The following NAALADL2 variants were observed in gnomAD, a reference collection of about 807,000 sequenced individuals.
The protein encoded by NAALADL2 is inactive N-acetylated-alpha-linked acidic dipeptidase-like protein 2.
In NAALADL2, 76 loss-of-function variants were observed where a neutral mutation model predicts 87.2. The ratio of observed to expected loss-of-function variants is 0.87; its 90% CI spans 0.72 to 1.05. NAALADL2 has a LOEUF of 1.05. NAALADL2 is among the 50% of genes least tolerant of loss of function. The probability of loss-of-function intolerance (pLI) is 0.00; values close to 1 mark genes in which losing one functional copy is unlikely to be tolerated. For synonymous variants in NAALADL2, 354 were observed against 331.0 expected (o/e 1.07, Z -0.75); for missense variants, 1,089 against 945.8 (o/e 1.15, Z -1.99).
chr3:174,972,021 A>T (rs1291654105), intron 1 of NAALADL2, among the ~76,000 whole-genome samples: 1 of 152,008 alleles, frequency 6.6e-6, no homozygotes, highest in African/African-American at 2.4e-5. Flanking sequence ...CCTACATAAC[A>T]TACTAAATTT....
chr3:175,718,787 C>A, intron 11 of NAALADL2: 1 of 738,168 alleles, frequency 1.4e-6, no homozygotes, highest in South Asian at 1.9e-5. Context: ...ATTAGCCAAG[C>A]ATGGTGACGC....
chr3:174,871,821 C>T (rs934205957), intron 1 of NAALADL2, among the ~76,000 whole-genome samples: 2 of 152,096 alleles, frequency 1.3e-5, no homozygotes, highest in Admixed American at 1.3e-4. Flanking sequence ...ATTGCTTGAA[C>T]CTGGGAGGTG....
intron 11 of NAALADL2, among the ~76,000 whole-genome samples, chr3:175,696,889 C>A (rs1737867230): frequency 6.6e-6 from 1 of 152,106 alleles, no homozygotes; most frequent in Non-Finnish European, 1.5e-5. Flanking sequence ...GTAGGGGCAA[C>A]ATTCATTCTC....
intron 1 of NAALADL2, among the ~76,000 whole-genome samples, chr3:174,961,518 A>G (rs1028107702): frequency 6.6e-6 from 1 of 152,032 alleles, no homozygotes; most frequent in East Asian, 1.9e-4. Context: ...CGGGCAGGGG[A>G]AGGAAAAAAT....
chr3:175,571,020 T>A (rs76369157), intron 9 of NAALADL2, among the ~76,000 whole-genome samples: 6 of 152,334 alleles, frequency 3.9e-5, no homozygotes, highest in Non-Finnish European at 7.3e-5. Flanking sequence ...AATGCTTATG[T>A]ATGCAGGAGA....
intron 2 of NAALADL2, among the ~76,000 whole-genome samples, chr3:174,718,414 G>A (rs1731407361): frequency 6.6e-6 from 1 of 152,084 alleles, no homozygotes; most frequent in Non-Finnish European, 1.5e-5. Flanking sequence ...TCATAGACAG[G>A]TAGAACATAC....
intron 13 of NAALADL2, among the ~76,000 whole-genome samples, chr3:175,758,084 T>C (rs1747497674): frequency 6.6e-6 from 1 of 152,082 alleles, no homozygotes; most frequent in Non-Finnish European, 1.5e-5. Flanking sequence ...TTCAAAAATA[T>C]TTATGAACTC....
intron 2 of NAALADL2, among the ~76,000 whole-genome samples, chr3:174,575,372 G>T (rs1319516730): frequency 6.6e-6 from 1 of 152,062 alleles, no homozygotes; most frequent in Non-Finnish European, 1.5e-5. Flanking sequence ...CATCTTCAGT[G>T]GACTTGGTAC....
intron 5 of NAALADL2, among the ~76,000 whole-genome samples, chr3:175,409,843 C>T (rs899976825): frequency 2.0e-5 from 3 of 151,784 alleles, no homozygotes; most frequent in Non-Finnish European, 4.4e-5. Flanking sequence ...TTAATATAAC[C>T]TTTATCAGGA....
At chr3:174,870,334 T>C (rs1727665818) in intron 1 of NAALADL2, among the ~76,000 whole-genome samples, 1 of 152,092 alleles carries the variant, frequency 6.6e-6, no homozygotes, top group Non-Finnish European at 1.5e-5. Flanking sequence ...CCACTGCCCA[T>C]AAATTTTGAT....
At chr3:174,854,313 G>A (rs1371624949) in intron 3 of NAALADL2, among the ~76,000 whole-genome samples, 1 of 152,162 alleles carries the variant, frequency 6.6e-6, no homozygotes, top group African/African-American at 2.4e-5. Context: ...TCACTCATAT[G>A]TGAGACATAC....
chr3:175,101,809 C>G lies in NAALADL2; in HGVS notation c.545+4518C>G, dbSNP rs536433827. The stretch of plus-strand genomic sequence containing the variant: ...CTGTCGATGCTGTGAAATGGTGAGA[C>G]AAAAAGGAGAAAATGTGTTGTTTTC... On this transcript the variant is annotated intron_variant, in intron 2 of 13. Coordinates refer to ENST00000454872, the MANE Select transcript of NAALADL2 (RefSeq NM_207015.3). Among the ~76,000 whole-genome samples, 343 of 152,020 alleles carry G rather than the reference C, an allele frequency of 2.3e-3. 4 individuals carry two copies. The highest frequency in any genetic ancestry group is 0.01 in the South Asian group (50 of 4,828).
At chr3:175,469,292 A>G (rs1297468203) in intron 8 of NAALADL2, among the ~76,000 whole-genome samples, 2 of 152,082 alleles carry the variant, frequency 1.3e-5, no homozygotes, top group Non-Finnish European at 2.9e-5. Flanking sequence ...GAAAACTGCT[A>G]GTTGTCCTGT....
rs768693884 is a variant in NAALADL2 at position 175,234,023 on chromosome 3, A to G, written c.638A>G (p.Gln213Arg). ...ACCTCTTTGGGCCTAGAAGATGTAC[A>G]GTTTGTAAATTACTCTGTGCTGCTT... ...QWTSLGLEDVQFVNYSVLLDL... is the reference protein window; with the variant it reads ...QWTSLGLEDVRFVNYSVLLDL... The change falls in exon 3 of 14, where the codon CAG becomes CGG. Residue 213 changes from glutamine (Q) to arginine (R), a missense_variant. Transcript: ENST00000454872. 4 of 1,613,782 alleles carry G rather than the reference A, an allele frequency of 2.5e-6. No individual in the cohort carries two copies. The highest frequency in any genetic ancestry group is 2.2e-5 in the East Asian group (1 of 44,888).
At chr3:174,718,053 G>C (rs1731368645) in intron 2 of NAALADL2, among the ~76,000 whole-genome samples, 1 of 152,018 alleles carries the variant, frequency 6.6e-6, no homozygotes, top group Admixed American at 6.6e-5. Context: ...CGCTTGAACT[G>C]GGGAGGTGGA....
At chr3:174,600,216 C>T (rs901983103) in intron 2 of NAALADL2, among the ~76,000 whole-genome samples, 7 of 151,974 alleles carry the variant, frequency 4.6e-5, no homozygotes, top group East Asian at 3.9e-4. Flanking sequence ...CAGATAAAAC[C>T]GATAATATAG....
At chr3:174,782,245 G>T (rs1716077456) in intron 3 of NAALADL2, among the ~76,000 whole-genome samples, 1 of 152,042 alleles carries the variant, frequency 6.6e-6, no homozygotes, top group Admixed American at 6.6e-5. Flanking sequence ...TCAATCAAAG[G>T]TGTTCGCCCA....
intron 4 of NAALADL2, among the ~76,000 whole-genome samples, chr3:175,282,774 T>G (rs918748362): frequency 2.6e-5 from 4 of 152,100 alleles, no homozygotes; most frequent in African/African-American, 9.7e-5. Context: ...AGTTCTGCAA[T>G]CTTGTTTCCT....
At chr3:174,962,184 C>T (rs1441264712) in intron 1 of NAALADL2, among the ~76,000 whole-genome samples, 1 of 151,658 alleles carries the variant, frequency 6.6e-6, no homozygotes, top group Admixed American at 6.6e-5. Context: ...CCTAGGGCCA[C>T]AGTCAAGCCT....
Sources: allele counts gnomAD v4.1 joint callset (sites outside exome capture counted in the v4.1 genomes callset), GRCh38; gene constraint gnomAD v4.1.1; transcripts MANE v1.5; gene names NCBI Gene and HGNC (gene_info 2026-07-23, HGNC 2026-07-21).